SAMD12: variants seen among roughly 807,000 people sequenced by gnomAD.
SAMD12 encodes the protein sterile alpha motif domain containing 12, also known as sterile alpha motif domain-containing protein 12.
A neutral mutation model predicts 15.0 loss-of-function variants in SAMD12; 9 were observed. The observed-to-expected ratio is 0.60, with a 90% CI of 0.36 to 1.05. SAMD12 has a LOEUF of 1.05. Among genes scored for constraint, SAMD12 ranks in the 50% least tolerant of loss-of-function variants. The pLI, the probability that SAMD12 is intolerant of heterozygous loss-of-function variation, is 0.01. For missense variants in SAMD12, 230 were observed against 234.2 expected (o/e 0.98, Z 0.12); for synonymous variants, 86 against 90.1 (o/e 0.96, Z 0.25).
the SAMD12 span, among the ~76,000 whole-genome samples, chr8:118,133,801 T>A: frequency 6.6e-6 from 1 of 152,150 alleles, no homozygotes; most frequent in Admixed American, 6.5e-5. Flanking sequence ...GACAAAGTAC[T>A]CATTCTAATG....
intron 1 of SAMD12, among the ~76,000 whole-genome samples, chr8:118,596,467 C>T (rs1259420651): frequency 6.6e-6 from 1 of 152,202 alleles, no homozygotes; most frequent in African/African-American, 2.4e-5. Context: ...ACCCTATCCA[C>T]CTGCTATATC....
At chr8:118,449,551 C>T (rs1028269447) in intron 2 of SAMD12, among the ~76,000 whole-genome samples, 4 of 151,728 alleles carry the variant, frequency 2.6e-5, no homozygotes, top group Non-Finnish European at 5.9e-5. Flanking sequence ...GTGGCTCACA[C>T]CTGTAATCCC....
chr8:118,392,010 C>T (rs565554227), intron 3 of SAMD12, among the ~76,000 whole-genome samples: 1 of 151,870 alleles, frequency 6.6e-6, no homozygotes, highest in African/African-American at 2.4e-5. Context: ...TCATTAGCTA[C>T]GTGGTCATTG....
At chr8:118,201,969 A>G (rs1586337366) in intron 4 of SAMD12, among the ~76,000 whole-genome samples, 1 of 152,208 alleles carries the variant, frequency 6.6e-6, no homozygotes, top group African/African-American at 2.4e-5. Flanking sequence ...ACTGGAGTCT[A>G]GTGGTCAGGA....
chr8:118,606,659 A>C (rs1269586321), intron 1 of SAMD12, among the ~76,000 whole-genome samples: 1 of 152,156 alleles, frequency 6.6e-6, no homozygotes, highest in African/African-American at 2.4e-5. Context: ...AAGGCAGCAT[A>C]GTGGTACTTA....
intron 4 of SAMD12, among the ~76,000 whole-genome samples, chr8:118,308,735 A>G (rs1013897094): frequency 1.3e-5 from 2 of 151,702 alleles, no homozygotes; most frequent in East Asian, 3.9e-4. Flanking sequence ...TACTTTCTCC[A>G]TCACAACTTA....
chr8:118,361,324 A>G (rs373282226), intron 4 of SAMD12, among the ~76,000 whole-genome samples: 2 of 152,212 alleles, frequency 1.3e-5, no homozygotes, highest in African/African-American at 4.8e-5. Flanking sequence ...AGCTCCATAA[A>G]AGCATGGATT....
exon 5 of SAMD12, chr8:118,192,160 A>T (rs1003175693): frequency 2.6e-5 from 4 of 151,968 alleles, no homozygotes; most frequent in African/African-American, 9.6e-5. Flanking sequence ...ATGATCTAGT[A>T]AGAGTCTCCT....
rs71292164 is a variant in SAMD12, at chr8:118,447,704, ATATT to A, written c.193-7747_193-7744del. ...TTTATTTTTTTATTTTTTATTTTTA[ATATT>A]TATTTATTTATTTATTTATTTATTT... On this transcript the variant is annotated intron_variant, in intron 2 of 3. Transcript: ENST00000314727. Among the ~76,000 whole-genome samples, 771 of 138,274 alleles carry A rather than the reference ATATT, an allele frequency of 5.6e-3. 5 individuals are homozygous for A. The highest frequency in any genetic ancestry group is 0.018 in the East Asian group (88 of 4,792). The allele number at this position is 138,274 out of a possible 152,430, so 90.7% of individuals were successfully genotyped here. A position where few individuals can be genotyped will look rare whatever the true frequency, so the allele number is the denominator to read the frequency against.
the SAMD12 span, among the ~76,000 whole-genome samples, chr8:118,141,110 T>C: frequency 1.3e-5 from 2 of 152,208 alleles, no homozygotes; most frequent in Non-Finnish European, 2.9e-5. Flanking sequence ...AGCAAGAATA[T>C]TTAGGAACTG....
At chr8:118,274,486 GAAC>G (rs1276852543) in intron 4 of SAMD12, among the ~76,000 whole-genome samples, 1 of 152,080 alleles carries the variant, frequency 6.6e-6, no homozygotes, top group Non-Finnish European at 1.5e-5. Context: ...GTCTAGCTAA[GAAC>G]AATAAATGCC....
rs1239528351 is a variant in SAMD12, at chr8:118,580,795, T to C, written c.112A>G (p.Ile38Val). Residue 38 changes from isoleucine to valine, a missense_variant, in exon 2 of 4, where the codon ATT becomes GTT. Ile to Val is a conservative substitution (Grantham distance 29, BLOSUM62 3). Transcript: ENST00000314727. ...IEGEGVESQS[I>V]KNKNFQKVPD... ...ACCTTCTGGAAATTTTTATTTTTAATGGATTGAGATTCCACACCTTCACCT... is the reference window on the plus strand; with the variant it reads ...ACCTTCTGGAAATTTTTATTTTTAACGGATTGAGATTCCACACCTTCACCT... The C allele has an allele frequency of 6.2e-7, 1 of 1,613,098 alleles. No homozygotes were observed. Among genetic ancestry groups the C allele is most frequent in the Non-Finnish European group, 8.5e-7 (1 of 1,179,294 alleles).
chr8:118,254,541 T>C (rs937661352), intron 4 of SAMD12, among the ~76,000 whole-genome samples: 7 of 152,060 alleles, frequency 4.6e-5, no homozygotes, highest in African/African-American at 1.4e-4. Flanking sequence ...CGCATCTAAA[T>C]TGTTTCCATT....
At chr8:118,439,045 C>T (rs1427605364) in intron 3 of SAMD12, among the ~76,000 whole-genome samples, 2 of 152,152 alleles carry the variant, frequency 1.3e-5, no homozygotes, top group African/African-American at 4.8e-5. Flanking sequence ...CTCTGATGGG[C>T]TTCCACGGTG....
At chr8:118,312,950 T>C (rs1464927623) in intron 4 of SAMD12, among the ~76,000 whole-genome samples, 2 of 152,192 alleles carry the variant, frequency 1.3e-5, no homozygotes. Context: ...TAGTTACTAC[T>C]AAGGAATCTT....
intron 2 of SAMD12, among the ~76,000 whole-genome samples, chr8:118,500,553 C>T (rs1824755134): frequency 6.6e-6 from 1 of 151,966 alleles, no homozygotes; most frequent in African/African-American, 2.4e-5. Context: ...CGCCTGTAAT[C>T]CCAGCACTTT....
intron 2 of SAMD12, among the ~76,000 whole-genome samples, chr8:118,550,499 G>T (rs1826292278): frequency 1.3e-5 from 2 of 152,216 alleles, no homozygotes; most frequent in Middle Eastern, 3.4e-3. Flanking sequence ...GTCACCAGCA[G>T]GCCTGCCCTA....
intron 4 of SAMD12, among the ~76,000 whole-genome samples, chr8:118,269,220 C>CTCTGTGTG (rs1299970707): frequency 8.9e-5 from 11 of 123,040 alleles, no homozygotes; most frequent in African/African-American, 3.7e-4. Context: ...CTCTCTCTCT[C>CTCTGTGTG]TGTGTGTGTG....
At chr8:118,521,648 C>T (rs1401804685) in intron 2 of SAMD12, among the ~76,000 whole-genome samples, 1 of 137,004 alleles carries the variant, frequency 7.3e-6, no homozygotes, top group Non-Finnish European at 1.6e-5. Context: ...TTAATACACA[C>T]ATTCGGGCTT....
Sources: gnomAD v4.1 joint callset for allele counts (sites outside exome capture counted in the v4.1 genomes callset) on GRCh38, gnomAD v4.1.1 for gene constraint, MANE v1.5 for transcripts, NCBI Gene and HGNC (gene_info 2026-07-23, HGNC 2026-07-21) for gene names.